PRDM10: variants seen among roughly 807,000 people sequenced by gnomAD.
The protein encoded by PRDM10 is PR/SET domain 10.
In PRDM10, 65 loss-of-function variants were observed where a neutral mutation model predicts 133.1. The ratio of observed to expected loss-of-function variants is 0.49; its 90% CI spans 0.40 to 0.60. The LOEUF (loss-of-function observed/expected upper bound fraction) is 0.60, where lower values mean the gene tolerates loss of function less well. Ranked by LOEUF, PRDM10 falls within the 20% of genes least tolerant of loss-of-function variation. The pLI is 0.00. For synonymous variants in PRDM10, 582 were observed against 580.4 expected (o/e 1.00, Z -0.04); for missense variants, 1,137 against 1,507.1 (o/e 0.75, Z 4.07).
chr11:129,931,571 AT>A (rs200453898), intron 10 of PRDM10, among the ~76,000 whole-genome samples: 26 of 135,540 alleles, frequency 1.9e-4, no homozygotes, highest in African/African-American at 6.8e-4. Context: ...ATTTTATTTT[AT>A]TTTATTTTTT....
At chr11:129,980,875 T>G (rs990522261) in intron 1 of PRDM10, among the ~76,000 whole-genome samples, 5 of 144,346 alleles carry the variant, frequency 3.5e-5, no homozygotes, top group African/African-American at 5.2e-5. Flanking sequence ...TTTTTTTTTT[T>G]TTTTTTTTTT....
intron 17 of PRDM10, among the ~76,000 whole-genome samples, chr11:129,912,762 A>G (rs567155650): frequency 2.0e-5 from 3 of 148,602 alleles, no homozygotes; most frequent in South Asian, 2.1e-4. Flanking sequence ...GAAAAAAAAA[A>G]AAAAATTAGT....
chr11:129,934,745 CT>C (rs976562131), intron 9 of PRDM10, among the ~76,000 whole-genome samples: 4 of 152,294 alleles, frequency 2.6e-5, no homozygotes, highest in Admixed American at 6.5e-5. Flanking sequence ...AAACATATGA[CT>C]TGGTTTGATT....
intron 1 of PRDM10, among the ~76,000 whole-genome samples, chr11:129,976,202 T>A (rs184802066): frequency 6.6e-6 from 1 of 152,306 alleles, no homozygotes; most frequent in African/African-American, 2.4e-5. Context: ...CAGGCTCTGA[T>A]TCTAGGTTTC....
intron 1 of PRDM10, among the ~76,000 whole-genome samples, chr11:129,964,823 C>T (rs897873405): frequency 5.3e-5 from 8 of 152,002 alleles, no homozygotes; most frequent in Admixed American, 2.6e-4. Context: ...AAGATACTAG[C>T]GCAGTTAAAG....
rs1951680261 is a variant in PRDM10 at position 129,955,538 on chromosome 11, CA to C, written c.267del (p.Tyr89Ter). ...TGCTGAGCTGTAGCATCCTGTTGGA[CA>C]TAAGCTACCTGGCCGGGGTCTGTAA... Reference protein sequence around the residue: ...TLFTDPGQVAYVQQDATAQQA... With the variant: ...TLFTDPGQVAXVQQDATAQQA... On this transcript the variant is annotated frameshift_variant, in exon 4 of 21. Coordinates refer to ENST00000360871, the MANE Select transcript of PRDM10 (RefSeq NM_199437.2). LOFTEE classifies it high-confidence loss of function. 6.2e-7 allele frequency: 1 copy of C among 1,613,954 alleles called. No homozygotes were observed.
Position 129,944,997 on chromosome 11 carries a change from T to C in PRDM10, c.536A>G (p.Asn179Ser). The change falls in exon 6 of 21, where the codon AAT (asparagine) becomes AGT (serine). Residue 179 changes from asparagine (N) to serine (S), a missense_variant. Transcript: ENST00000360871. Reference protein sequence around the residue: ...DPHDLWCEECNNAHASVCPKH... With the variant: ...DPHDLWCEECSNAHASVCPKH... Reference sequence around the variant, plus strand: ...CGGACACACTGAAGCATGCGCGTTATTGCACTCCTCACACCCTGCAAAAGA... The same window carrying C: ...CGGACACACTGAAGCATGCGCGTTACTGCACTCCTCACACCCTGCAAAAGA... 1.2e-6 allele frequency: 2 copies of C among 1,612,908 alleles called. No homozygotes were observed. Among genetic ancestry groups the C allele is most frequent in the Non-Finnish European group, 1.7e-6 (2 of 1,179,720 alleles).
rs1475845555 is a variant in PRDM10 at position 129,918,756 on chromosome 11, G to A, written c.2035-38C>T. On this transcript the variant is annotated intron_variant, in intron 13 of 20. Transcript: ENST00000360871. The surrounding 1 kb of genome is among the most constrained non-coding windows in gnomAD (Gnocchi z 5.3). ...TATTTTTGAAAACGGGGTAGACACG[G>A]GGGTAGAAAATTTTTAACTGAAGGG... 1 of 1,544,580 alleles carries A rather than the reference G, an allele frequency of 6.5e-7. No individual in the cohort carries two copies. The highest frequency in any genetic ancestry group is 1.4e-5 in the African/African-American group (1 of 72,036).
chr11:129,930,518 G>A (rs1424623128), intron 11 of PRDM10, among the ~76,000 whole-genome samples: 1 of 152,194 alleles, frequency 6.6e-6, no homozygotes, highest in African/African-American at 2.4e-5. Flanking sequence ...GCTATCCGCA[G>A]GTGTGTGAAC....
rs750872610 is a variant in PRDM10, at chr11:129,918,518, C to T, written c.2214+21G>A. ...AGGTATGCTGGGAAGACAGAGGAAC[C>T]CGCAGCCACTGGGCACTGACCAGCA... On this transcript the variant is annotated intron_variant, in intron 14 of 20. Transcript: ENST00000360871. The surrounding 1 kb of genome is among the most constrained non-coding windows in gnomAD (Gnocchi z 5.3). The T allele has an allele frequency of 5.0e-6, 8 of 1,606,860 alleles. No individual in the cohort carries two copies. The East Asian group carries it at 1.8e-4, about 36-fold the overall frequency.
chr11:129,997,123 C>T (rs984150917), intron 1 of PRDM10, among the ~76,000 whole-genome samples: 7 of 152,122 alleles, frequency 4.6e-5, no homozygotes, highest in Non-Finnish European at 7.4e-5. Context: ...ACGGTGCAAA[C>T]GTGGAAGTAA....
intron 2 of PRDM10, among the ~76,000 whole-genome samples, chr11:129,958,282 G>GAATT (rs1951733929): frequency 6.6e-6 from 1 of 152,146 alleles, no homozygotes; most frequent in Non-Finnish European, 1.5e-5. Flanking sequence ...AAAGCCAATT[G>GAATT]CTGTCAACAC....
chr11:129,950,074 A>C (rs545105765), intron 4 of PRDM10, among the ~76,000 whole-genome samples: 2 of 152,146 alleles, frequency 1.3e-5, no homozygotes, highest in African/African-American at 4.8e-5. Flanking sequence ...TGTCTCTACA[A>C]AAAATACAAA....
rs1235027907 is a variant in PRDM10, at chr11:129,923,311, G to A, written c.1971C>T (p.Leu657=). ...TGCGGTCCGAATGCCGGAGCATGTG[G>A]AGTCGCAGTTTATCGGGGCGACAGA... The part of the protein sequence containing the change: ...KAFCRPDKLR[L]HMLRHSDRKD... The change falls in exon 13 of 21, where the codon CTC becomes CTT. Residue 657 remains leucine, a synonymous_variant. Coordinates refer to ENST00000360871, the MANE Select transcript of PRDM10 (RefSeq NM_199437.2). The surrounding 1 kb of genome is among the most constrained non-coding windows in gnomAD (Gnocchi z 4.4). The A allele has an allele frequency of 1.2e-6, 2 of 1,607,582 alleles. No individual in the cohort carries two copies. The highest frequency in any genetic ancestry group is 1.7e-5 in the Admixed American group (1 of 59,060).
intron 1 of PRDM10, among the ~76,000 whole-genome samples, chr11:129,992,435 T>C (rs1938806430): frequency 6.6e-6 from 1 of 152,200 alleles, no homozygotes; most frequent in Non-Finnish European, 1.5e-5. Flanking sequence ...ATAAGAGGAA[T>C]TTAAGCCCAG....
intron 8 of PRDM10, among the ~76,000 whole-genome samples, chr11:129,936,147 G>A (rs951499482): frequency 6.6e-5 from 10 of 152,134 alleles, no homozygotes; most frequent in East Asian, 1.9e-4. Flanking sequence ...ACTGAAGCTC[G>A]GGTGAGCTTC....
chr11:130,001,344 T>C (rs759258421), intron 1 of PRDM10, among the ~76,000 whole-genome samples: 4 of 152,090 alleles, frequency 2.6e-5, no homozygotes, highest in Admixed American at 1.3e-4. Context: ...GGAGGAGTGA[T>C]AGAAACAAAG....
intron 17 of PRDM10, among the ~76,000 whole-genome samples, chr11:129,914,349 A>T (rs550001217): frequency 1.7e-4 from 26 of 152,326 alleles, no homozygotes; most frequent in African/African-American, 5.8e-4. Flanking sequence ...GACATTTGAT[A>T]CGCAGGTCGT....
At chr11:129,929,297 G>A (rs1224017869) in intron 11 of PRDM10, 2 of 993,658 alleles carry the variant, frequency 2.0e-6, no homozygotes, top group African/African-American at 1.7e-5. Flanking sequence ...TGCATTTACT[G>A]TAGCAACCAA....
Sources: allele counts gnomAD v4.1 joint callset (sites outside exome capture counted in the v4.1 genomes callset), GRCh38; gene constraint gnomAD v4.1.1; non-coding constraint Gnocchi (gnomAD v3.1); transcripts MANE v1.5; gene names NCBI Gene and HGNC (gene_info 2026-07-23, HGNC 2026-07-21).